Variants in IKBKB observed in about 807,000 individuals in gnomAD.
IKBKB encodes the protein inhibitor of nuclear factor kappa-B kinase subunit beta.
IKBKB carries 42 observed loss-of-function variants against 113.6 expected under a neutral mutation model. The observed-to-expected ratio is 0.37, with a 90% confidence interval of 0.29 to 0.48. The LOEUF (loss-of-function observed/expected upper bound fraction) is 0.48, where lower values mean the gene tolerates loss of function less well. Ranked by LOEUF, IKBKB falls within the 20% of genes least tolerant of loss-of-function variation. IKBKB has a pLI of 0.99. For missense variants in IKBKB, 673 were observed against 939.7 expected (o/e 0.72, Z 3.71); for synonymous variants, 296 against 361.3 (o/e 0.82, Z 2.05).
At chr8:42,288,036 C>T (rs1159253084) in intron 2 of IKBKB, among the ~76,000 whole-genome samples, 3 of 151,978 alleles carry the variant, frequency 2.0e-5, no homozygotes, top group Non-Finnish European at 4.4e-5. Flanking sequence ...GGTTTCATGG[C>T]GGAGCTGGGA....
chr8:42,273,388 C>A (rs1431950790), intron 2 of IKBKB, among the ~76,000 whole-genome samples: 1 of 150,904 alleles, frequency 6.6e-6, no homozygotes, highest in African/African-American at 2.5e-5. Context: ...GCATTCCAGC[C>A]TGGGTGACAG....
intron 5 of IKBKB, among the ~76,000 whole-genome samples, chr8:42,297,471 C>G (rs1309677964): frequency 6.6e-6 from 1 of 152,142 alleles, no homozygotes; most frequent in Non-Finnish European, 1.5e-5. Context: ...AACTGTTGGC[C>G]CCTACTCTCT....
At chr8:42,290,735 A>G (rs1447305935) in intron 4 of IKBKB, among the ~76,000 whole-genome samples, 1 of 152,140 alleles carries the variant, frequency 6.6e-6, no homozygotes. Context: ...AGCAGGATTC[A>G]TGATCAGAGA....
chr8:42,320,739 A>C lies in IKBKB; in HGVS notation c.1583A>C (p.Asn528Thr). ...TTAGCACAGCTTTTCCATTAGGAGA[A>C]CGAAGTGAAACTCCTGGTAGAACGG... ...EQAVELCGRE[N>T]EVKLLVERMM... Residue 528 changes from asparagine to threonine, a missense_variant, in exon 16 of 22, where the codon AAC (asparagine) becomes ACC (threonine). Asn to Thr is a moderately conservative substitution (Grantham distance 65). Coordinates refer to ENST00000520810, the MANE Select transcript of IKBKB (RefSeq NM_001556.3). 1 of 1,612,852 alleles carries C rather than the reference A, an allele frequency of 6.2e-7. No homozygotes were observed. The highest frequency in any genetic ancestry group is 8.5e-7 in the Non-Finnish European group (1 of 1,178,992).
chr8:42,275,094 C>T (rs1277683967), intron 2 of IKBKB, among the ~76,000 whole-genome samples: 1 of 151,914 alleles, frequency 6.6e-6, no homozygotes, highest in Non-Finnish European at 1.5e-5. Context: ...CCAGTCTGGT[C>T]TCAAACTCCT....
chr8:42,282,002 C>T (rs1438858647), intron 2 of IKBKB, among the ~76,000 whole-genome samples: 2 of 152,180 alleles, frequency 1.3e-5, no homozygotes, highest in African/African-American at 4.8e-5. Context: ...TGAGGATGTG[C>T]TCCCCCTCTG....
At chr8:42,323,710 A>G (rs1820200244) in intron 19 of IKBKB, among the ~76,000 whole-genome samples, 1 of 152,194 alleles carries the variant, frequency 6.6e-6, no homozygotes, top group South Asian at 2.1e-4. Flanking sequence ...AGCACTGAGC[A>G]TGCCTTGGGA....
At chr8:42,308,715 A>G (rs1446306279) in intron 7 of IKBKB, among the ~76,000 whole-genome samples, 186 bp from the exon 8 acceptor site, 1 of 152,136 alleles carries the variant, frequency 6.6e-6, no homozygotes, top group African/African-American at 2.4e-5. Context: ...GGACATAGAA[A>G]GGTCTTAGAA....
chr8:42,319,237 A>G (rs1244028385), intron 13 of IKBKB, 33 bp from the exon 14 acceptor site: 1 of 1,603,478 alleles, frequency 6.2e-7, no homozygotes, highest in South Asian at 1.1e-5. Flanking sequence ...GATCCCAGAG[A>G]TGCTCCAAGA....
chr8:42,306,240 G>A, intron 6 of IKBKB, 103 bp from the exon 7 acceptor site: 2 of 721,222 alleles, frequency 2.8e-6, no homozygotes, highest in Admixed American at 2.1e-5. Context: ...AATAGTACCT[G>A]GGAATTCAGA....
At chr8:42,291,534 C>T (rs1445619753) in intron 4 of IKBKB, among the ~76,000 whole-genome samples, 3 of 152,226 alleles carry the variant, frequency 2.0e-5, no homozygotes, top group Non-Finnish European at 4.4e-5. Flanking sequence ...GCGAGTGCAC[C>T]TCTTCACTCC....
intron 2 of IKBKB, among the ~76,000 whole-genome samples, chr8:42,283,767 C>CA (rs1810823655): frequency 6.6e-6 from 1 of 152,226 alleles, no homozygotes; most frequent in Admixed American, 6.5e-5. Context: ...ATTACGGCAG[C>CA]AATAGAAAAC....
chr8:42,323,210 G>T (rs1444519554), intron 19 of IKBKB, among the ~76,000 whole-genome samples: 3 of 152,228 alleles, frequency 2.0e-5, no homozygotes, highest in African/African-American at 2.4e-5. Flanking sequence ...CTTTCTCCAA[G>T]TACGGTCACA....
chr8:42,284,499 G>T (rs1018063547), intron 2 of IKBKB, among the ~76,000 whole-genome samples: 1 of 151,624 alleles, frequency 6.6e-6, no homozygotes, highest in African/African-American at 2.4e-5. Flanking sequence ...GGAGAATGGC[G>T]TGAACCCGGG....
chr8:42,272,806 G>A (rs13281376), intron 2 of IKBKB, among the ~76,000 whole-genome samples: 15 of 152,146 alleles, frequency 9.9e-5, no homozygotes, highest in African/African-American at 3.6e-4. Context: ...AGGCTTGGTG[G>A]CACGTGCCTG....
At position 42,331,949 on chromosome 8, in the gene IKBKB, T is replaced by C. The variant is rs1051137764; in HGVS notation, c.*970T>C. On this transcript the variant is annotated 3_prime_UTR_variant, in exon 22 of 22. Transcript: ENST00000520810. ...TGTAACATGTCTCAAACACTCATAC[T>C]GGGTTCCACAATCCACTGTTAGAAT... 2 of 161,150 alleles carry C rather than the reference T, an allele frequency of 1.2e-5. No homozygotes were observed. Among genetic ancestry groups the C allele is most frequent in the Non-Finnish European group, 2.8e-5 (2 of 72,328 alleles). 10.0% of individuals were successfully genotyped at this position (161,150 alleles called of 1,614,324 possible).
chr8:42,321,833 A>C, intron 16 of IKBKB, 63 bp from the exon 17 acceptor site: 1 of 1,276,596 alleles, frequency 7.8e-7, no homozygotes, highest in Non-Finnish European at 1.1e-6. Flanking sequence ...CCTCTACCAA[A>C]AAAATGTAAA....
chr8:42,288,271 C>T (rs1190202584), intron 2 of IKBKB, among the ~76,000 whole-genome samples: 2 of 151,960 alleles, frequency 1.3e-5, no homozygotes, highest in Non-Finnish European at 2.9e-5. Flanking sequence ...CCTGTAATCC[C>T]AGCTACTCAG....
chr8:42,303,194 CG>C lies in IKBKB; in HGVS notation c.389-1991del, dbSNP rs1430240021. Among the ~76,000 whole-genome samples the C allele has an allele frequency of 2.0e-5, 3 of 150,922 alleles. No individual in the cohort carries two copies. In the East Asian group the frequency reaches 5.8e-4, roughly 29 times the overall value. The stretch of plus-strand genomic sequence containing the variant: ...ACAGAGAGAATGAGAATGGTGGTGG[CG>C]GCGACGGCATACAGAGGGTTCATTG... On this transcript the variant is annotated intron_variant, in intron 5 of 21. Coordinates refer to ENST00000520810, the MANE Select transcript of IKBKB (RefSeq NM_001556.3).
Sources: gnomAD v4.1 joint callset for allele counts (sites outside exome capture counted in the v4.1 genomes callset) on GRCh38, gnomAD v4.1.1 for gene constraint, MANE v1.5 for transcripts, NCBI Gene and HGNC (gene_info 2026-07-23, HGNC 2026-07-21) for gene names.